The following NBPF20 variants were observed in gnomAD, a reference collection of about 807,000 sequenced individuals.
NBPF20 encodes NBPF member 20.
Under a neutral mutation model 68.1 loss-of-function variants are expected in NBPF20, and 90 were observed. The observed-to-expected ratio is 1.32, with a 90% CI of 1.11 to 1.58. NBPF20 has a LOEUF of 1.58. Among genes scored for constraint, NBPF20 ranks in the 40% most tolerant of loss-of-function variants. The probability of loss-of-function intolerance (pLI) is 0.00; values close to 1 mark genes in which losing one functional copy is unlikely to be tolerated. For missense variants in NBPF20, 816 were observed against 601.2 expected, an observed-to-expected ratio of 1.36 and a Z score of -3.74; for synonymous variants, 290 against 228.1, an observed-to-expected ratio of 1.27 and a Z score of -2.45.
the NBPF20 span, among the ~76,000 whole-genome samples, chr1:145,415,445 A>G: frequency 1.3e-5 from 2 of 151,492 alleles, no homozygotes; most frequent in East Asian, 3.9e-4. Context: ...GGGCTGGGGG[A>G]CAGTCAGGTC....
At chr1:145,404,492 C>T (rs1408935336) in intron 2 of NBPF20, among the ~76,000 whole-genome samples, 19 of 152,120 alleles carry the variant, frequency 1.2e-4, no homozygotes, top group African/African-American at 3.9e-4. Flanking sequence ...CTCCTGACCT[C>T]GTGCTCTGCC....
the NBPF20 span, among the ~76,000 whole-genome samples, chr1:145,419,281 G>A: frequency 2.0e-5 from 3 of 152,142 alleles, no homozygotes; most frequent in African/African-American, 7.2e-5. Context: ...ACATGAAGAT[G>A]AGAACATCCA....
chr1:145,291,818 C>T, intron 137 of NBPF20, 49 bp from the exon 143 acceptor site: 2 of 1,611,680 alleles, frequency 1.2e-6, no homozygotes, highest in African/African-American at 1.3e-5. Flanking sequence ...AATCAGAAAC[C>T]ACAGAGCCCC....
intron 8 of NBPF20, among the ~76,000 whole-genome samples, chr1:145,394,231 G>T (rs1662100827): frequency 6.6e-6 from 1 of 151,774 alleles, no homozygotes. Context: ...TAGGCAAATA[G>T]TTCTAACACC....
At chr1:145,417,201 G>A in the NBPF20 span, among the ~76,000 whole-genome samples, 12 of 150,894 alleles carry the variant, frequency 8.0e-5, no homozygotes, top group East Asian at 2.3e-3. Context: ...GAGGTTTAGA[G>A]ACAATTTAAA....
the NBPF20 span, among the ~76,000 whole-genome samples, chr1:145,421,356 A>G: frequency 6.6e-6 from 1 of 152,010 alleles, no homozygotes; most frequent in Admixed American, 6.6e-5. Flanking sequence ...AAGCCCCAAA[A>G]TCTTAGCAGC....
chr1:145,342,800 C>A (rs1314113699), intron 73 of NBPF20, among the ~76,000 whole-genome samples: 2 of 116,276 alleles, frequency 1.7e-5, no homozygotes, highest in African/African-American at 7.2e-5. Flanking sequence ...CACACAGACA[C>A]ACACACACAC....
At chr1:145,416,024 AG>A in the NBPF20 span, among the ~76,000 whole-genome samples, 1 of 150,264 alleles carries the variant, frequency 6.7e-6, no homozygotes, top group Non-Finnish European at 1.5e-5. Context: ...CCAGCTATTC[AG>A]GAGGCTGAGG....
chr1:145,410,700 ATG>A, the NBPF20 span, among the ~76,000 whole-genome samples: 57,870 of 117,694 alleles, frequency 0.49, 14,053 homozygotes, highest in Non-Finnish European at 0.58. Context: ...ATATATATAT[ATG>A]TGTGTGTGTG....
At chr1:145,417,222 T>C in the NBPF20 span, among the ~76,000 whole-genome samples, 15 of 151,182 alleles carry the variant, frequency 9.9e-5, no homozygotes, top group Non-Finnish European at 1.8e-4. Context: ...ACAGCAAAGA[T>C]AGCCTTTCCA....
At chr1:145,389,841 G>A in intron 14 of NBPF20, 103 bp downstream of exon 19, 3 of 15,438 alleles carry the variant, frequency 1.9e-4, no homozygotes, top group Non-Finnish European at 3.0e-4. Flanking sequence ...CCTCCCTGTG[G>A]CAATGACATC....
At chr1:145,306,368 A>C (rs1661411513) in intron 119 of NBPF20, among the ~76,000 whole-genome samples, 2 of 144,200 alleles carry the variant, frequency 1.4e-5, no homozygotes, top group African/African-American at 2.5e-5. Context: ...CTGATGAGGG[A>C]GTAACAGGAC....
At chr1:145,403,242 C>A in exon 3 of NBPF20, 1 of 1,612,664 alleles carries the variant, frequency 6.2e-7, no homozygotes, top group Non-Finnish European at 8.5e-7. Context: ...GCTTGAGCTG[C>A]TCTGCAAGCT....
At chr1:145,334,773 T>A (rs1243284276) in intron 83 of NBPF20, 142 bp from the exon 89 acceptor site, 1 of 607,402 alleles carries the variant, frequency 1.6e-6, no homozygotes, top group Non-Finnish European at 2.9e-6. Context: ...TTATTGCCTT[T>A]ATGTTGGGAT....
chr1:145,419,816 T>C, the NBPF20 span, among the ~76,000 whole-genome samples: 1 of 152,144 alleles, frequency 6.6e-6, no homozygotes. Flanking sequence ...TGGTACCTAA[T>C]AGTCACCCCA....
chr1:145,400,702 A>G, intron 5 of NBPF20, 108 bp from the exon 11 acceptor site: 1 of 1,488,556 alleles, frequency 6.7e-7, no homozygotes, highest in South Asian at 1.1e-5. Flanking sequence ...GTGGTCCCAG[A>G]AAGCAAAATG....
exon 6 of NBPF20, chr1:145,400,510 A>T: frequency 1.2e-6 from 2 of 1,612,962 alleles, no homozygotes; most frequent in African/African-American, 2.7e-5. Context: ...TGGAGTCATA[A>T]GGGCCATGGC....
chr1:145,401,126 C>G (rs1662504017), exon 5 of NBPF20: 10 of 1,605,124 alleles, frequency 6.2e-6, no homozygotes, highest in Admixed American at 3.3e-5. Flanking sequence ...TCATCGTTGT[C>G]ATTTTCTGTA....
At chr1:145,423,172 C>T in the NBPF20 span, among the ~76,000 whole-genome samples, 1 of 141,944 alleles carries the variant, frequency 7.0e-6, no homozygotes, top group Admixed American at 7.1e-5. Context: ...GGTGCAGTGG[C>T]TCATGCCTGT....
Sources: allele counts gnomAD v4.1 joint callset (sites outside exome capture counted in the v4.1 genomes callset), GRCh38; gene constraint gnomAD v4.1.1; transcripts MANE v1.5; gene names NCBI Gene and HGNC (gene_info 2026-07-23, HGNC 2026-07-21).